Variants in DNAH6 observed in about 807,000 individuals in gnomAD.
DNAH6 encodes the protein axonemal beta dynein heavy chain 6.
A neutral mutation model predicts 491.4 loss-of-function variants in DNAH6; 340 were observed. The observed-to-expected ratio is 0.69, with a 90% CI of 0.63 to 0.76. The LOEUF (loss-of-function observed/expected upper bound fraction) is 0.76. DNAH6 is among the 30% of genes least tolerant of loss of function. DNAH6 has a pLI of 0.00. For synonymous variants in DNAH6, 1,603 were observed against 1,686.1 expected, an observed-to-expected ratio of 0.95 and a Z score of 1.21; for missense variants, 4,443 against 4,972.2, an observed-to-expected ratio of 0.89 and a Z score of 3.20.
At chr2:84,732,584 TAG>T (rs1699213965) in intron 61 of DNAH6, among the ~76,000 whole-genome samples, 1 of 152,218 alleles carries the variant, frequency 6.6e-6, no homozygotes, top group South Asian at 2.1e-4. Flanking sequence ...GGCAAATATA[TAG>T]AGACAGTAAG....
intron 45 of DNAH6, 67 bp from the exon 46 acceptor site, chr2:84,694,182 G>A: frequency 1.3e-5 from 18 of 1,412,344 alleles, no homozygotes; most frequent in Non-Finnish European, 1.8e-5. Context: ...TTGGCTCTGG[G>A]GCAGGCTCTC....
chr2:84,485,551 T>C, the DNAH6 span, among the ~76,000 whole-genome samples: 1 of 152,110 alleles, frequency 6.6e-6, no homozygotes, highest in African/African-American at 2.4e-5. Context: ...AGTTGGATAG[T>C]GGGTGGAACC....
chr2:84,711,035 C>T (rs1331553681), intron 56 of DNAH6, among the ~76,000 whole-genome samples: 1 of 151,852 alleles, frequency 6.6e-6, no homozygotes, highest in Non-Finnish European at 1.5e-5. Context: ...CAATAGCTTA[C>T]AATTGAGGTG....
chr2:84,762,047 TG>T (rs912602101), intron 63 of DNAH6, among the ~76,000 whole-genome samples: 1 of 151,992 alleles, frequency 6.6e-6, no homozygotes, highest in Non-Finnish European at 1.5e-5. Flanking sequence ...CCATATGGGT[TG>T]GGGAGGGACA....
Position 84,694,161 on chromosome 2 carries a change from G to T in DNAH6, c.7293-88G>T, listed in dbSNP as rs866417978. ...CCTGCCCAGGGAGGAGGCTCCACTG[G>T]CCACCAGCCTTTGGCTCTGGGGCAG... is the stretch of plus-strand genomic sequence containing the variant. On this transcript the variant is annotated intron_variant, in intron 45 of 76. Coordinates refer to ENST00000389394, the MANE Select transcript of DNAH6 (RefSeq NM_001370.2). 4.1e-6 allele frequency: 5 copies of T among 1,217,278 alleles called. No homozygotes were observed. In the Middle Eastern group the frequency reaches 1.0e-3, roughly 253 times the overall value. 75.4% of individuals were successfully genotyped at this position (1,217,278 alleles called of 1,614,324 possible).
At chr2:84,489,871 A>G in the DNAH6 span, among the ~76,000 whole-genome samples, 1 of 152,202 alleles carries the variant, frequency 6.6e-6, no homozygotes, top group Non-Finnish European at 1.5e-5. Flanking sequence ...ATGGGGCTGC[A>G]AAATTTTCAT....
chr2:84,803,302 G>A (rs1232173362), intron 70 of DNAH6, among the ~76,000 whole-genome samples: 2 of 152,122 alleles, frequency 1.3e-5, no homozygotes, highest in Non-Finnish European at 2.9e-5. Flanking sequence ...CTCCAAAAGG[G>A]GGGAAAAGGA....
intron 4 of DNAH6, among the ~76,000 whole-genome samples, chr2:84,543,806 T>C (rs1175692273): frequency 6.6e-6 from 1 of 152,196 alleles, no homozygotes; most frequent in African/African-American, 2.4e-5. Flanking sequence ...TTGATTCTTA[T>C]CTCACCTAAT....
At chr2:84,789,501 A>G (rs1178317885) in intron 68 of DNAH6, among the ~76,000 whole-genome samples, 2 of 152,230 alleles carry the variant, frequency 1.3e-5, no homozygotes, top group Non-Finnish European at 2.9e-5. Flanking sequence ...ACAATCCTGA[A>G]AGCAAAGTAC....
At chr2:84,585,976 T>A (rs1357628158) in intron 15 of DNAH6, among the ~76,000 whole-genome samples, 1 of 152,186 alleles carries the variant, frequency 6.6e-6, no homozygotes, top group Non-Finnish European at 1.5e-5. Flanking sequence ...CCCACCCCCT[T>A]CCATTCAGGA....
At chr2:84,634,729 T>TA (rs1192232052) in intron 30 of DNAH6, 88 bp downstream of exon 30, 1 of 1,379,686 alleles carries the variant, frequency 7.2e-7, no homozygotes, top group Non-Finnish European at 9.4e-7. Context: ...AAGGAGATGC[T>TA]AAAAATGTTA....
chr2:84,631,459 G>A (rs540166236), intron 29 of DNAH6, among the ~76,000 whole-genome samples: 1 of 152,200 alleles, frequency 6.6e-6, no homozygotes, highest in South Asian at 2.1e-4. Context: ...TAATATCTGT[G>A]AATGTTACCT....
intron 29 of DNAH6, among the ~76,000 whole-genome samples, chr2:84,631,881 T>C (rs1688433333): frequency 6.6e-6 from 1 of 152,204 alleles, no homozygotes; most frequent in East Asian, 1.9e-4. Flanking sequence ...AGCAAAACCC[T>C]TCTTCACTGA....
intron 37 of DNAH6, among the ~76,000 whole-genome samples, chr2:84,666,169 G>A (rs1266097677): frequency 5.3e-5 from 8 of 152,146 alleles, no homozygotes; most frequent in Admixed American, 3.3e-4. Flanking sequence ...GAAACTGGAA[G>A]CATTCCCTTT....
chr2:84,564,844 T>C (rs1681021033), intron 11 of DNAH6, among the ~76,000 whole-genome samples: 1 of 152,140 alleles, frequency 6.6e-6, no homozygotes, highest in East Asian at 1.9e-4. Context: ...ATGGCTCTTA[T>C]TATTTTGAAG....
the DNAH6 span, among the ~76,000 whole-genome samples, chr2:84,489,116 T>A: frequency 6.6e-6 from 1 of 152,188 alleles, no homozygotes; most frequent in East Asian, 1.9e-4. Context: ...TGTGCATATG[T>A]AAGAGTTTCT....
the DNAH6 span, among the ~76,000 whole-genome samples, chr2:84,484,041 G>T: frequency 1.3e-5 from 2 of 152,060 alleles, no homozygotes; most frequent in Non-Finnish European, 2.9e-5. Context: ...ATGAGACTGT[G>T]TTTTTGCCCA....
the DNAH6 span, among the ~76,000 whole-genome samples, chr2:84,499,916 T>C: frequency 6.6e-6 from 1 of 151,816 alleles, no homozygotes; most frequent in Non-Finnish European, 1.5e-5. Flanking sequence ...AGAGTTGTTT[T>C]AGTTCCTTAT....
chr2:84,774,576 A>G lies in DNAH6; in HGVS notation c.10704-6917A>G, dbSNP rs559020502. Reference sequence around the variant, plus strand: ...TTTTTGGTTATATATGAATTTTAGAATAGTTTTGCAGTGATATGGGTAGTT... The same window carrying G: ...TTTTTGGTTATATATGAATTTTAGAGTAGTTTTGCAGTGATATGGGTAGTT... On this transcript the variant is annotated intron_variant, in intron 64 of 76. Transcript: ENST00000389394. Among the ~76,000 whole-genome samples the G allele has an allele frequency of 2.6e-5, 4 of 152,040 alleles. No individual in the cohort carries two copies. The East Asian group carries it at 5.8e-4, about 22-fold the overall frequency.
Sources: allele counts gnomAD v4.1 joint callset (sites outside exome capture counted in the v4.1 genomes callset), GRCh38; gene constraint gnomAD v4.1.1; transcripts MANE v1.5; gene names NCBI Gene and HGNC (gene_info 2026-07-23, HGNC 2026-07-21).